The following ASXL2 variants were observed in gnomAD, a reference collection of about 807,000 sequenced individuals.
The protein encoded by ASXL2 is putative Polycomb group protein ASXL2.
ASXL2 carries 23 observed loss-of-function variants against 122.0 expected under a neutral mutation model. The ratio of observed to expected loss-of-function variants is 0.19; its 90% CI spans 0.14 to 0.27. The LOEUF is 0.27. Ranked by LOEUF, ASXL2 falls within the 10% of genes least tolerant of loss-of-function variation. The pLI is 1.00. For synonymous variants in ASXL2, 650 were observed against 637.0 expected (o/e 1.02, Z -0.31); for missense variants, 1,518 against 1,713.8 (o/e 0.89, Z 2.02).
chr2:25,800,081 C>G (rs953880241), intron 4 of ASXL2, among the ~76,000 whole-genome samples: 6 of 150,912 alleles, frequency 4.0e-5, no homozygotes, highest in Admixed American at 4.0e-4. Flanking sequence ...GAGGACTAAG[C>G]CCAGGAGTTC....
intron 5 of ASXL2, among the ~76,000 whole-genome samples, chr2:25,788,939 T>C (rs1174797042): frequency 6.6e-6 from 1 of 152,190 alleles, no homozygotes; most frequent in African/African-American, 2.4e-5. Flanking sequence ...CTTTAGAAAA[T>C]TACCTAGCTT....
intron 5 of ASXL2, among the ~76,000 whole-genome samples, chr2:25,783,316 C>T (rs1286361966): frequency 6.6e-6 from 1 of 151,332 alleles, no homozygotes; most frequent in African/African-American, 2.4e-5. Context: ...TATCCCATTT[C>T]ATCTACAAAG....
rs1307746677 is a variant in ASXL2 at position 25,750,276 on chromosome 2, G to A, written c.1280C>T (p.Ser427Phe). The A allele has an allele frequency of 6.2e-7, 1 of 1,613,894 alleles. No individual in the cohort carries two copies. The highest frequency in any genetic ancestry group is 8.5e-7 in the Non-Finnish European group (1 of 1,179,902). ...ASLIRIVPVVSQSECKEEALQ... is the reference protein window; with the variant it reads ...ASLIRIVPVVFQSECKEEALQ... ...TGCTTCTTCTTTACACTCTGACTGG[G>A]AGACTACTGGAACTATTCTGATAAG... The change falls in exon 12 of 13, where the codon TCC becomes TTC. Residue 427 changes from serine (S) to phenylalanine (F), a missense_variant. By Grantham distance (155) the Ser-to-Phe change is radical. Transcript: ENST00000435504.
At position 25,743,248 on chromosome 2, in the gene ASXL2, G is replaced by A. The variant is rs781150675; in HGVS notation, c.3089C>T (p.Pro1030Leu). Residue 1030 changes from proline (P) to leucine (L), a missense_variant, in exon 13 of 13, where the codon CCC becomes CTC. Around this residue, in one of 8 missense-constraint regions of ASXL2, gnomAD observed 831 missense variants for 833.1 expected, o/e 1.00. Coordinates refer to ENST00000435504, the MANE Select transcript of ASXL2 (RefSeq NM_018263.6). ...LGKTLQSKQL[P>L]QVPRPLQLFS... ...GAGCTGAAGGGGCCTTGGAACCTGG[G>A]GGAGCTGCTTACTTTGCAAGGTTTT... is the stretch of plus-strand genomic sequence containing the variant. The A allele has an allele frequency of 1.2e-6, 2 of 1,613,662 alleles. No homozygotes were observed. Among genetic ancestry groups the A allele is most frequent in the South Asian group, 1.1e-5 (1 of 91,048 alleles).
intron 5 of ASXL2, among the ~76,000 whole-genome samples, chr2:25,776,109 G>C (rs1277228790): frequency 6.6e-6 from 1 of 152,144 alleles, no homozygotes; most frequent in East Asian, 1.9e-4. Context: ...TATTCACCAA[G>C]TTGTACAATC....
At chr2:25,831,568 T>G (rs949231949) in intron 3 of ASXL2, among the ~76,000 whole-genome samples, 1 of 151,974 alleles carries the variant, frequency 6.6e-6, no homozygotes, top group East Asian at 1.9e-4. Flanking sequence ...GTGGGAGGAT[T>G]GCTTGAGCCC....
chr2:25,818,719 C>G (rs1330283146), intron 3 of ASXL2, among the ~76,000 whole-genome samples: 1 of 151,654 alleles, frequency 6.6e-6, no homozygotes, highest in Non-Finnish European at 1.5e-5. Flanking sequence ...ATATATATAC[C>G]AAGATTGACA....
intron 5 of ASXL2, among the ~76,000 whole-genome samples, chr2:25,784,067 A>AAATG (rs1421930252): frequency 1.4e-5 from 2 of 147,158 alleles, no homozygotes; most frequent in Non-Finnish European, 1.5e-5. Context: ...ATAAATAAAT[A>AAATG]AATAAATAAA....
At position 25,743,889 on chromosome 2, in the gene ASXL2, G is replaced by A. The variant is rs769339019; in HGVS notation, c.2448C>T (p.Ala816=). 5.0e-6 allele frequency: 8 copies of A among 1,613,992 alleles called. No individual in the cohort carries two copies. In the South Asian group the frequency reaches 6.6e-5, roughly 13 times the overall value. The change falls in exon 13 of 13, where the codon GCC becomes GCT. Residue 816 remains alanine (A), a synonymous_variant. Coordinates refer to ENST00000435504, the MANE Select transcript of ASXL2 (RefSeq NM_018263.6). ...LNPTRATATV[A]SVSHPQGPSS... ...TGGGCCCTTGTGGATGGCTGACAGA[G>A]GCCACTGTGGCTGTTGCTCTGGTGG... is the stretch of plus-strand genomic sequence containing the variant.
At position 25,821,043 on chromosome 2, in the gene ASXL2, G is replaced by A. The variant is rs181849288; in HGVS notation, c.143+14495C>T. 2.9e-3 allele frequency among the ~76,000 whole-genome samples: 436 copies of A among 152,174 alleles called. 2 individuals carry two copies. The highest frequency in any genetic ancestry group is 4.9e-3 in the Non-Finnish European group (335 of 67,994). ...AAAAACACAAAATTAGCCGGGCATG[G>A]AGGCACATGCCCATAATCCCAGCTA... On this transcript the variant is annotated intron_variant, in intron 3 of 12. Transcript: ENST00000435504.
intron 8 of ASXL2, among the ~76,000 whole-genome samples, chr2:25,765,302 A>C (rs762017664): frequency 1.3e-5 from 2 of 151,924 alleles, no homozygotes; most frequent in Admixed American, 1.3e-4. Context: ...TGGCTAACAC[A>C]GTGAAACCCC....
In ASXL2 at chr2:25,773,476, T is replaced by G. The variant is rs1018217806; in HGVS notation, c.404-1936A>C. Among the ~76,000 whole-genome samples, 8 of 151,462 alleles carry G rather than the reference T, an allele frequency of 5.3e-5. No individual in the cohort carries two copies. In the East Asian group the frequency reaches 1.4e-3, roughly 26 times the overall value. ...GTCAGGAGATTGAGACCATCCTGGC[T>G]AACACGGTGAAACCCCATCTCTACT... On this transcript the variant is annotated intron_variant, in intron 5 of 12. Coordinates refer to ENST00000435504, the MANE Select transcript of ASXL2 (RefSeq NM_018263.6).
At chr2:25,801,226 C>T (rs965045416) in intron 4 of ASXL2, among the ~76,000 whole-genome samples, 4 of 152,216 alleles carry the variant, frequency 2.6e-5, no homozygotes, top group African/African-American at 4.8e-5. Context: ...TGTGCCACTG[C>T]GCCTAGCCTG....
chr2:25,754,679 T>TA (rs35860666), intron 10 of ASXL2, among the ~76,000 whole-genome samples: 41,581 of 149,504 alleles, frequency 0.28, 5,965 homozygotes, highest in African/African-American at 0.32. Context: ...GCTTGCATGT[T>TA]AAAAAAAAAA....
At chr2:25,828,891 T>G (rs2089414149) in intron 3 of ASXL2, among the ~76,000 whole-genome samples, 1 of 150,352 alleles carries the variant, frequency 6.7e-6, no homozygotes, top group African/African-American at 2.5e-5. Flanking sequence ...GAAACAGCAC[T>G]TATATTTTAG....
chr2:25,820,066 G>A (rs960861866), intron 3 of ASXL2, among the ~76,000 whole-genome samples: 4 of 152,076 alleles, frequency 2.6e-5, no homozygotes, highest in African/African-American at 9.7e-5. Flanking sequence ...TGTGCACCAC[G>A]ATACCTGGCT....
At position 25,749,735 on chromosome 2, in the gene ASXL2, T is replaced by G; in HGVS notation, c.1821A>C (p.Arg607Ser). The G allele has an allele frequency of 6.4e-7, 1 of 1,551,398 alleles. No homozygotes were observed. The highest frequency in any genetic ancestry group is 1.7e-4 in the Middle Eastern group (1 of 5,748). The change falls in exon 12 of 13, where the codon AGA becomes AGC. Residue 607 changes from arginine (R) to serine (S), a missense_variant. This residue lies in a region of ASXL2 where 292 missense variants were observed against 293.5 expected (regional missense o/e 1.00). Transcript: ENST00000435504. ...FQVSPQPFLN[R>S]GDRIQVRKVP... ...CTTTTCGCACCTGGATTCTGTCCCC[T>G]CTATTGAGAAAGGGCTGTGGTGAGA...
intron 11 of ASXL2, among the ~76,000 whole-genome samples, chr2:25,753,316 TA>T (rs1203820483): frequency 6.6e-6 from 1 of 150,744 alleles, no homozygotes; most frequent in Non-Finnish European, 1.5e-5. Flanking sequence ...GTTTTAAGGG[TA>T]AAGTATGATG....
chr2:25,841,137 T>C (rs1385568559), intron 2 of ASXL2, among the ~76,000 whole-genome samples: 1 of 151,914 alleles, frequency 6.6e-6, no homozygotes, highest in East Asian at 1.9e-4. Context: ...CTACAAAAAA[T>C]ACGAAAATTA....
Sources: gnomAD v4.1 joint callset for allele counts (sites outside exome capture counted in the v4.1 genomes callset) on GRCh38, gnomAD v4.1.1 for gene constraint, gnomAD v4.1.1 regional missense constraint, MANE v1.5 for transcripts, NCBI Gene and HGNC (gene_info 2026-07-23, HGNC 2026-07-21) for gene names.